GRB10: variants seen among roughly 807,000 people sequenced by gnomAD.
The protein encoded by GRB10 is growth factor receptor bound protein 10, also known as growth factor receptor-bound protein 10.
Under a neutral mutation model 80.9 loss-of-function variants are expected in GRB10, and 20 were observed. That is an observed-to-expected ratio of 0.25 (90% CI 0.17 to 0.36). The LOEUF is 0.36. GRB10 is among the 10% of genes least tolerant of loss of function. GRB10 has a pLI of 1.00. For synonymous variants in GRB10, 291 were observed against 291.5 expected (o/e 1.00, Z 0.02); for missense variants, 548 against 747.7 (o/e 0.73, Z 3.12).
chr7:50,736,752 C>T (rs992298148), intron 3 of GRB10, among the ~76,000 whole-genome samples: 1 of 152,200 alleles, frequency 6.6e-6, no homozygotes, highest in Non-Finnish European at 1.5e-5. Flanking sequence ...CCACTACACT[C>T]CAGCCAGGGC....
At chr7:50,609,950 G>A (rs902816687) in intron 13 of GRB10, among the ~76,000 whole-genome samples, 1 of 152,160 alleles carries the variant, frequency 6.6e-6, no homozygotes, top group African/African-American at 2.4e-5. Context: ...TCAAGAAAGT[G>A]TATCTGTGTA....
chr7:50,636,798 G>A (rs1563240685), intron 7 of GRB10, among the ~76,000 whole-genome samples: 1 of 152,114 alleles, frequency 6.6e-6, no homozygotes, highest in African/African-American at 2.4e-5. Flanking sequence ...AGAGTTGAAA[G>A]CATTTCCCCC....
At chr7:50,638,347 C>T (rs567398025) in intron 7 of GRB10, among the ~76,000 whole-genome samples, 1 of 152,194 alleles carries the variant, frequency 6.6e-6, no homozygotes, top group South Asian at 2.1e-4. Context: ...CAAATTATGA[C>T]AAAGGACTAA....
At chr7:50,775,669 G>A (rs1177723680) in intron 2 of GRB10, among the ~76,000 whole-genome samples, 1 of 152,214 alleles carries the variant, frequency 6.6e-6, no homozygotes, top group Non-Finnish European at 1.5e-5. Flanking sequence ...AGTCTCTGCA[G>A]CAGACCTATC....
At position 50,782,528 on chromosome 7, in the gene GRB10, A is replaced by T. The variant is rs2078412484; in HGVS notation, c.-431T>A. On this transcript the variant is annotated 5_prime_UTR_variant, in exon 1 of 19. Coordinates refer to ENST00000401949, the MANE Select transcript of GRB10 (RefSeq NM_001350814.2). This position sits in a 1 kb window ranked among gnomAD's most constrained non-coding sequence, Gnocchi z 6.6. ...CCCCCGCAGTGCCCGGCGCGTGGACAGCGCTCCGCATGGACAGCGCTCGGA... is the reference window on the plus strand; with the variant it reads ...CCCCCGCAGTGCCCGGCGCGTGGACTGCGCTCCGCATGGACAGCGCTCGGA... The T allele has an allele frequency of 6.7e-6, 1 of 150,156 alleles. No individual in the cohort carries two copies. Among genetic ancestry groups the T allele is most frequent in the Admixed American group, 6.6e-5 (1 of 15,088 alleles). The allele number at this position is 150,156 out of a possible 1,614,324, so 9.3% of individuals were successfully genotyped here. A position where few individuals can be genotyped will look rare whatever the true frequency, so the allele number is the denominator to read the frequency against.
chr7:50,620,486 C>A (rs2051498433), intron 8 of GRB10, among the ~76,000 whole-genome samples: 1 of 151,628 alleles, frequency 6.6e-6, no homozygotes, highest in Non-Finnish European at 1.5e-5. Context: ...TGAGCCCCGA[C>A]CGGCATGCAG....
chr7:50,696,527 C>T (rs2063442884), intron 5 of GRB10, among the ~76,000 whole-genome samples: 1 of 152,212 alleles, frequency 6.6e-6, no homozygotes, highest in Admixed American at 6.5e-5. Context: ...CCACTAAGCT[C>T]ATGAGCCTTT....
chr7:50,626,731 C>T lies in GRB10; in HGVS notation c.661+91G>A, dbSNP rs2052973975. On this transcript the variant is annotated intron_variant, in intron 8 of 18. Transcript: ENST00000401949. ...CCTGCTAATTTCGCAGGGGACACTG[C>T]GGTCACACATTTGGCATTTGGCAGC... is the stretch of plus-strand genomic sequence containing the variant. The T allele has an allele frequency of 5.0e-5, 72 of 1,430,290 alleles. 1 individual carries two copies. The South Asian group carries it at 7.4e-4, about 15-fold the overall frequency. The allele number at this position is 1,430,290 out of a possible 1,614,324, so 88.6% of individuals were successfully genotyped here.
At chr7:50,606,611 T>C in intron 13 of GRB10, 197 bp from the exon 14 acceptor site, 1 of 605,450 alleles carries the variant, frequency 1.7e-6, no homozygotes, top group Middle Eastern at 4.4e-4. Context: ...AAATAAAAAA[T>C]CCGAGTATAG....
chr7:50,756,300 G>A (rs2075076188), intron 2 of GRB10, among the ~76,000 whole-genome samples: 1 of 152,236 alleles, frequency 6.6e-6, no homozygotes, highest in African/African-American at 2.4e-5. Context: ...TACGCTCACT[G>A]CCCACACATC....
intron 4 of GRB10, among the ~76,000 whole-genome samples, chr7:50,718,458 C>T (rs1337413985): frequency 6.6e-6 from 1 of 152,114 alleles, no homozygotes; most frequent in Admixed American, 6.5e-5. Context: ...ACTTTCTTCT[C>T]ACGGCCACTG....
At chr7:50,680,990 A>G (rs1160300540) in intron 5 of GRB10, among the ~76,000 whole-genome samples, 3 of 152,200 alleles carry the variant, frequency 2.0e-5, no homozygotes, top group African/African-American at 4.8e-5. Context: ...AATTCTACAG[A>G]TAACACAAAA....
chr7:50,671,683 G>C lies in GRB10; in HGVS notation c.363-1820C>G, dbSNP rs2060368197. Among the ~76,000 whole-genome samples, 3 of 152,332 alleles carry C rather than the reference G, an allele frequency of 2.0e-5. No homozygotes were observed. The South Asian group carries it at 6.2e-4, about 32-fold the overall frequency. On this transcript the variant is annotated intron_variant, in intron 6 of 18. Transcript: ENST00000401949. ...CATACAGGAGGAGATGGATAAAACG[G>C]GTGGCCAGTGCCACTTTCCCATCCA...
At chr7:50,711,335 C>A (rs1404068064) in intron 4 of GRB10, among the ~76,000 whole-genome samples, 2 of 151,708 alleles carry the variant, frequency 1.3e-5, no homozygotes, top group African/African-American at 4.8e-5. Flanking sequence ...TCCTACACGA[C>A]CCACCATCCG....
chr7:50,633,796 G>A (rs1486497564), intron 7 of GRB10, among the ~76,000 whole-genome samples: 1 of 152,112 alleles, frequency 6.6e-6, no homozygotes, highest in African/African-American at 2.4e-5. Flanking sequence ...AGTAGACCAA[G>A]CAGAAGAATT....
At chr7:50,617,244 T>G (rs2050810783) in intron 10 of GRB10, among the ~76,000 whole-genome samples, 1 of 152,220 alleles carries the variant, frequency 6.6e-6, no homozygotes, top group African/African-American at 2.4e-5. Context: ...GCTCTGAAAC[T>G]CTTATCTTTT....
chr7:50,679,567 C>T (rs747888515), intron 5 of GRB10, among the ~76,000 whole-genome samples: 4 of 151,942 alleles, frequency 2.6e-5, no homozygotes, highest in African/African-American at 9.7e-5. Context: ...GTGTCCATTA[C>T]GATCCCTTCT....
intron 4 of GRB10, among the ~76,000 whole-genome samples, chr7:50,716,373 A>G (rs761029916): frequency 1.2e-4 from 19 of 152,198 alleles, no homozygotes; most frequent in Non-Finnish European, 2.6e-4. Context: ...AAAATATTTA[A>G]AAGAATAGCC....
At chr7:50,728,221 G>A (rs989370201) in intron 4 of GRB10, among the ~76,000 whole-genome samples, 1 of 151,086 alleles carries the variant, frequency 6.6e-6, no homozygotes, top group Non-Finnish European at 1.5e-5. Context: ...GTATGGGGGG[G>A]GGGTGTAGTA....
Sources: gnomAD v4.1 joint callset for allele counts (sites outside exome capture counted in the v4.1 genomes callset) on GRCh38, gnomAD v4.1.1 for gene constraint, Gnocchi (gnomAD v3.1) non-coding constraint, MANE v1.5 for transcripts, NCBI Gene and HGNC (gene_info 2026-07-23, HGNC 2026-07-21) for gene names.